The following TBC1D5 variants were observed in gnomAD, a reference collection of about 807,000 sequenced individuals.
TBC1D5 encodes TBC1 domain family member 5.
In TBC1D5, 75 loss-of-function variants were observed where a neutral mutation model predicts 100.3. The ratio of observed to expected loss-of-function variants is 0.75; its 90% CI spans 0.62 to 0.91. The LOEUF (loss-of-function observed/expected upper bound fraction) is 0.91, where lower values mean the gene tolerates loss of function less well. Ranked by LOEUF, TBC1D5 falls within the 40% of genes least tolerant of loss-of-function variation. The pLI is 0.00. For synonymous variants in TBC1D5, 323 were observed against 325.6 expected (o/e 0.99, Z 0.09); for missense variants, 910 against 942.4 (o/e 0.97, Z 0.45).
intron 1 of TBC1D5, among the ~76,000 whole-genome samples, chr3:17,674,297 C>T (rs865799137): frequency 6.6e-6 from 1 of 152,108 alleles, no homozygotes; most frequent in Non-Finnish European, 1.5e-5. Flanking sequence ...AAACAAGATG[C>T]CTCTCATTTA....
intron 18 of TBC1D5, among the ~76,000 whole-genome samples, chr3:17,189,971 C>T (rs2069661618): frequency 6.6e-6 from 1 of 152,088 alleles, no homozygotes; most frequent in Non-Finnish European, 1.5e-5. Context: ...TTTGAATTTG[C>T]TTTTTAATAA....
chr3:17,368,680 TTTTTA>T (rs1482735197), intron 13 of TBC1D5, among the ~76,000 whole-genome samples: 2 of 151,832 alleles, frequency 1.3e-5, no homozygotes, highest in South Asian at 2.1e-4. Context: ...TTACTTTTAT[TTTTTA>T]TTTTCTTTTT....
At chr3:17,521,003 T>G (rs1407916409) in intron 2 of TBC1D5, among the ~76,000 whole-genome samples, 1 of 152,192 alleles carries the variant, frequency 6.6e-6, no homozygotes, top group African/African-American at 2.4e-5. Flanking sequence ...GATTCAAATG[T>G]ACTGACCCAG....
intron 1 of TBC1D5, among the ~76,000 whole-genome samples, chr3:17,697,423 C>A (rs1183773517): frequency 6.6e-6 from 1 of 152,136 alleles, no homozygotes; most frequent in African/African-American, 2.4e-5. Context: ...GATACAAAAT[C>A]AATGTGAAAA....
intron 1 of TBC1D5, among the ~76,000 whole-genome samples, chr3:17,648,276 A>T (rs1341396990): frequency 6.6e-6 from 1 of 152,126 alleles, no homozygotes; most frequent in Non-Finnish European, 1.5e-5. Flanking sequence ...CTAGCCATAT[A>T]TAGATGATTG....
chr3:17,639,427 T>A (rs2064285469), intron 1 of TBC1D5, among the ~76,000 whole-genome samples: 1 of 151,934 alleles, frequency 6.6e-6, no homozygotes, highest in Non-Finnish European at 1.5e-5. Flanking sequence ...AATGAAAATG[T>A]TCTACAGCTG....
chr3:17,631,040 T>C (rs1257513429), intron 1 of TBC1D5, among the ~76,000 whole-genome samples: 1 of 40,258 alleles, frequency 2.5e-5, no homozygotes, highest in African/African-American at 1.0e-4. Context: ...TGAGACTCCG[T>C]CTCAAAAAAA....
chr3:17,451,795 C>T (rs191552966), intron 3 of TBC1D5, among the ~76,000 whole-genome samples: 8 of 152,108 alleles, frequency 5.3e-5, no homozygotes, highest in Non-Finnish European at 1.2e-4. Flanking sequence ...TGGTGGTGGG[C>T]GCCTGTAATC....
At chr3:17,639,106 A>C (rs2064251087) in intron 1 of TBC1D5, among the ~76,000 whole-genome samples, 1 of 152,198 alleles carries the variant, frequency 6.6e-6, no homozygotes, top group Non-Finnish European at 1.5e-5. Context: ...AAAAACTGCA[A>C]ACAACATAAA....
At chr3:17,334,277 G>A (rs2087336541) in intron 13 of TBC1D5, among the ~76,000 whole-genome samples, 1 of 152,074 alleles carries the variant, frequency 6.6e-6, no homozygotes, top group African/African-American at 2.4e-5. Flanking sequence ...CTGAAGGATA[G>A]AGGAATCTTT....
intron 2 of TBC1D5, among the ~76,000 whole-genome samples, chr3:17,525,750 C>T (rs527241753): frequency 4.5e-4 from 62 of 138,526 alleles, no homozygotes; most frequent in African/African-American, 1.8e-3. Flanking sequence ...TTCTAAAAAG[C>T]GTCTAGTGTT....
intron 3 of TBC1D5, among the ~76,000 whole-genome samples, chr3:17,505,774 A>T (rs1345291348): frequency 6.6e-6 from 1 of 152,234 alleles, no homozygotes; most frequent in African/African-American, 2.4e-5. Context: ...CTAAATTACT[A>T]GTAACTTGTC....
At chr3:17,719,570 A>G (rs957275075) in intron 1 of TBC1D5, among the ~76,000 whole-genome samples, 1 of 152,200 alleles carries the variant, frequency 6.6e-6, no homozygotes, top group African/African-American at 2.4e-5. Flanking sequence ...AGCACTGAAG[A>G]GATACATGAA....
intron 18 of TBC1D5, among the ~76,000 whole-genome samples, chr3:17,193,485 G>A (rs1034484695): frequency 2.6e-5 from 4 of 152,138 alleles, no homozygotes; most frequent in Non-Finnish European, 5.9e-5. Flanking sequence ...CATGCTTGCC[G>A]TGGGTGCGAC....
chr3:17,591,956 A>G (rs2060256252), intron 2 of TBC1D5, among the ~76,000 whole-genome samples: 1 of 152,246 alleles, frequency 6.6e-6, no homozygotes, highest in African/African-American at 2.4e-5. Flanking sequence ...TAGATCTTGG[A>G]GAATGACAGT....
At chr3:17,479,696 G>A (rs1292382469) in intron 3 of TBC1D5, among the ~76,000 whole-genome samples, 1 of 152,146 alleles carries the variant, frequency 6.6e-6, no homozygotes, top group Non-Finnish European at 1.5e-5. Context: ...AAATTAGCCA[G>A]GTATGCTGTT....
intron 3 of TBC1D5, among the ~76,000 whole-genome samples, chr3:17,484,338 A>G (rs1307676102): frequency 1.3e-5 from 2 of 152,186 alleles, no homozygotes; most frequent in Non-Finnish European, 2.9e-5. Context: ...AACTTCAGAA[A>G]CAAATTAATC....
intron 13 of TBC1D5, among the ~76,000 whole-genome samples, chr3:17,348,551 C>G (rs1002188875): frequency 3.3e-5 from 5 of 152,048 alleles, no homozygotes; most frequent in African/African-American, 4.8e-5. Context: ...TTTAATTTAC[C>G]TCTCATACAA....
At chr3:17,446,323 T>C (rs943956830) in intron 3 of TBC1D5, among the ~76,000 whole-genome samples, 2 of 152,136 alleles carry the variant, frequency 1.3e-5, no homozygotes, top group Non-Finnish European at 2.9e-5. Flanking sequence ...GTTGCAATGG[T>C]TTAGATCAAA....
Sources: gnomAD v4.1 joint callset for allele counts (sites outside exome capture counted in the v4.1 genomes callset) on GRCh38, gnomAD v4.1.1 for gene constraint, MANE v1.5 for transcripts, NCBI Gene and HGNC (gene_info 2026-07-23, HGNC 2026-07-21) for gene names.